The following PDLIM7 variants were observed in gnomAD, a reference collection of about 807,000 sequenced individuals.
The protein encoded by PDLIM7 is PDZ and LIM domain protein 7.
A neutral mutation model predicts 53.9 loss-of-function variants in PDLIM7; 37 were observed. That is an observed-to-expected ratio of 0.69 (90% CI 0.53 to 0.90). PDLIM7 has a LOEUF of 0.90. Ranked by LOEUF, PDLIM7 falls within the 40% of genes least tolerant of loss-of-function variation. The pLI, the probability that PDLIM7 is intolerant of heterozygous loss-of-function variation, is 0.00. For synonymous variants in PDLIM7, 300 were observed against 261.3 expected, an observed-to-expected ratio of 1.15 and a Z score of -1.43; for missense variants, 617 against 638.5, an observed-to-expected ratio of 0.97 and a Z score of 0.36.
At chr5:177,488,519 A>G (rs969054170) in intron 9 of PDLIM7, among the ~76,000 whole-genome samples, 2 of 152,212 alleles carry the variant, frequency 1.3e-5, no homozygotes, top group African/African-American at 4.8e-5. Context: ...CTGGAGCCTC[A>G]TAAAAGCTGA....
chr5:177,492,025 CCCCCACCCCCA>C (rs1224027321), intron 4 of PDLIM7, 100 bp from the exon 5 acceptor site: 2 of 467,562 alleles, frequency 4.3e-6, no homozygotes, highest in Non-Finnish European at 7.2e-6. Flanking sequence ...CAGCTCCAGC[CCCCCACCCCCA>C]CCCCACCCCC....
chr5:177,492,820 C>T, intron 2 of PDLIM7, 143 bp from the exon 3 acceptor site: 2 of 897,300 alleles, frequency 2.2e-6, no homozygotes, highest in Non-Finnish European at 3.4e-6. Context: ...TAGGCAGCTG[C>T]TGGACACTAA....
Position 177,483,615 on chromosome 5 carries a change from C to A in PDLIM7, c.*29G>T, listed in dbSNP as rs1435184949. On this transcript the variant is annotated 3_prime_UTR_variant, in exon 13 of 13. Transcript: ENST00000355841. ...GACTCCAGGCCCCTCAGGCTAGGGG[C>A]CACCGCGGCAGCTGTGGGCAGAAGG... 6.5e-7 allele frequency: 1 copy of A among 1,536,158 alleles called. No individual in the cohort carries two copies.
intron 2 of PDLIM7, 95 bp from the exon 3 acceptor site, chr5:177,492,772 C>T: frequency 7.4e-7 from 1 of 1,350,336 alleles, no homozygotes; most frequent in Non-Finnish European, 1.0e-6. Context: ...AGCTGTCCCA[C>T]TTCCAGAACC....
Position 177,491,154 on chromosome 5 carries a change from G to A in PDLIM7, c.399-8C>T, listed in dbSNP as rs1228274526. On this transcript the variant is annotated splice_polypyrimidine_tract_variant and splice_region_variant and intron_variant, in intron 5 of 12. Coordinates refer to ENST00000355841, the MANE Select transcript of PDLIM7 (RefSeq NM_005451.5). The stretch of plus-strand genomic sequence containing the variant: ...AGCGGTCGGAGCGGCTGTCTGTGGG[G>A]AGGGTGTGGCTCAGAACCCCACACT... 8.1e-6 allele frequency: 13 copies of A among 1,600,830 alleles called. No homozygotes were observed. In the South Asian group the frequency reaches 1.2e-4, roughly 15 times the overall value.
At position 177,488,261 on chromosome 5, in the gene PDLIM7, G is replaced by A. The variant is rs534562014; in HGVS notation, c.870-13C>T. ...CAGGTAGCGGCCCCTGCAGGGAGGC[G>A]AGAGCGGTCAGAGGGAGCACACGCA... On this transcript the variant is annotated splice_polypyrimidine_tract_variant and intron_variant, in intron 9 of 12. Transcript: ENST00000355841. The A allele has an allele frequency of 1.6e-5, 25 of 1,586,460 alleles. No individual in the cohort carries two copies. Among genetic ancestry groups the A allele is most frequent in the Admixed American group, 1.2e-4 (7 of 57,336 alleles).
chr5:177,490,085 AT>A, intron 7 of PDLIM7: 2 of 1,525,540 alleles, frequency 1.3e-6, no homozygotes, highest in Non-Finnish European at 1.8e-6. Context: ...GGTTCCCCTC[AT>A]GCCAGGAAGC....
intron 1 of PDLIM7, chr5:177,496,843 T>A: frequency 5.4e-6 from 1 of 186,138 alleles, no homozygotes; most frequent in South Asian, 1.3e-4. Flanking sequence ...CAAGCCAGCC[T>A]GGAGCCTCGG....
At position 177,486,686 on chromosome 5, in the gene PDLIM7, T is replaced by C. The variant is rs141284869; in HGVS notation, c.1050+1382A>G. Among the ~76,000 whole-genome samples the C allele has an allele frequency of 1.5e-3, 234 of 152,252 alleles. 1 individual carries two copies. The highest frequency in any genetic ancestry group is 2.4e-3 in the Non-Finnish European group (163 of 68,020). On this transcript the variant is annotated intron_variant, in intron 10 of 12. Coordinates refer to ENST00000355841, the MANE Select transcript of PDLIM7 (RefSeq NM_005451.5). ...AAGAGTCTCGCTCTGTCGCCCAGGC[T>C]GGAGTGCAGTGGCGCGATCTCGGCT...
rs199591483 is a variant in PDLIM7, at chr5:177,484,158, G to A, written c.1083C>T (p.His361=). The A allele has an allele frequency of 4.6e-5, 75 of 1,613,862 alleles. No homozygotes were observed. The highest frequency in any genetic ancestry group is 1.7e-4 in the Middle Eastern group (1 of 6,060). The part of the protein sequence containing the change: ...EIMHALKMTW[H]VHCFTCAACK... ...AGGCAGCACAGGTAAAGCAGTGCAC[G>A]TGCCAGGTCATCTTCAGGGCGTGCA... is the stretch of plus-strand genomic sequence containing the variant. Residue 361 remains histidine (H), a synonymous_variant, in exon 11 of 13, where the codon CAC becomes CAT. Transcript: ENST00000355841.
chr5:177,491,176 C>T, intron 5 of PDLIM7, 30 bp from the exon 6 acceptor site: 1 of 1,531,566 alleles, frequency 6.5e-7, no homozygotes, highest in Non-Finnish European at 8.9e-7. Flanking sequence ...CAGAACCCCA[C>T]ACTGGGGGTG....
At chr5:177,491,182 G>C in intron 5 of PDLIM7, 36 bp from the exon 6 acceptor site, 2 of 1,576,918 alleles carry the variant, frequency 1.3e-6, no homozygotes, top group Non-Finnish European at 1.7e-6. Context: ...CCCACACTGG[G>C]GGTGGGCGGT....
chr5:177,490,959 C>T (rs752082461), intron 6 of PDLIM7, 51 bp downstream of exon 6: 18 of 1,614,028 alleles, frequency 1.1e-5, no homozygotes, highest in East Asian at 2.2e-5. Flanking sequence ...TCAGGGATCA[C>T]GCCTGGGCTG....
rs564760373 is a variant in PDLIM7 at position 177,490,508 on chromosome 5, C to G, written c.572+362G>C. ...TGGAGAGGGCCGGGCTACGACTGCA[C>G]GTTGAGCACGTGGGCAGAGCGCTGG... On this transcript the variant is annotated intron_variant, in intron 7 of 12. Coordinates refer to ENST00000355841, the MANE Select transcript of PDLIM7 (RefSeq NM_005451.5). The G allele has an allele frequency of 1.0e-5, 16 of 1,559,844 alleles. No homozygotes were observed. In the Admixed American group the frequency reaches 2.1e-4, roughly 21 times the overall value.
chr5:177,490,009 G>C lies in PDLIM7; in HGVS notation c.573-177C>G, dbSNP rs531102731. On this transcript the variant is annotated intron_variant, in intron 7 of 12. Transcript: ENST00000355841. ...GGGCAGCTTCTCCTAGCAATGTCCA[G>C]TTAGCTGGTGTGCGGTCTCTAGCTG... The C allele has an allele frequency of 3.9e-6, 6 of 1,534,720 alleles. No homozygotes were observed. The East Asian group carries it at 1.5e-4, about 38-fold the overall frequency.
chr5:177,491,549 C>A (rs1158527313), intron 5 of PDLIM7: 1 of 797,512 alleles, frequency 1.3e-6, no homozygotes, highest in Non-Finnish European at 2.1e-6. Flanking sequence ...CTCAGCTGGC[C>A]CGACACCACA....
rs893343239 is a variant in PDLIM7 at position 177,488,058 on chromosome 5, C to A, written c.1050+10G>T. ...TTGGGACCACCTCCCCGCCAGCCAGCCCTACTCACGCCTGTAATCTTCTTC... is the reference window on the plus strand; with the variant it reads ...TTGGGACCACCTCCCCGCCAGCCAGACCTACTCACGCCTGTAATCTTCTTC... On this transcript the variant is annotated intron_variant, in intron 10 of 12. Coordinates refer to ENST00000355841, the MANE Select transcript of PDLIM7 (RefSeq NM_005451.5). 6.3e-7 allele frequency: 1 copy of A among 1,575,014 alleles called. No homozygotes were observed. Among genetic ancestry groups the A allele is most frequent in the African/African-American group, 1.3e-5 (1 of 74,184 alleles).
intron 10 of PDLIM7, 48 bp from the exon 11 acceptor site, chr5:177,484,238 T>C: frequency 6.2e-7 from 1 of 1,602,836 alleles, no homozygotes; most frequent in South Asian, 1.1e-5. Context: ...CCTCCTGCCC[T>C]GCCCTGGGTC....
Position 177,483,861 on chromosome 5 carries a change from T to C in PDLIM7, c.1287+6A>G. 2 of 1,610,560 alleles carry C rather than the reference T, an allele frequency of 1.2e-6. No homozygotes were observed. On this transcript the variant is annotated splice_donor_region_variant and intron_variant, in intron 12 of 12. Transcript: ENST00000355841. ...TGGGGCTCAGTTCGAGGGGCGGGGC[T>C]CTCACCGCACAGACGAAGCAGGTGT... is the stretch of plus-strand genomic sequence containing the variant.
Sources: allele counts gnomAD v4.1 joint callset (sites outside exome capture counted in the v4.1 genomes callset), GRCh38; gene constraint gnomAD v4.1.1; transcripts MANE v1.5; gene names NCBI Gene and HGNC (gene_info 2026-07-23, HGNC 2026-07-21).